MRPL10: variants seen among roughly 807,000 people sequenced by gnomAD.
The protein encoded by MRPL10 is mitochondrial ribosomal protein L10.
In MRPL10, 14 loss-of-function variants were observed where a neutral mutation model predicts 19.8. That is an observed-to-expected ratio of 0.71 (90% CI 0.47 to 1.11). The LOEUF is 1.11. MRPL10 is among the 50% of genes least tolerant of loss of function. MRPL10 has a pLI of 0.00. For missense variants in MRPL10, 318 were observed against 339.6 expected, an observed-to-expected ratio of 0.94 and a Z score of 0.50; for synonymous variants, 129 against 139.2, an observed-to-expected ratio of 0.93 and a Z score of 0.52.
At chr17:47,830,215 C>T (rs1163239965) in intron 1 of MRPL10, among the ~76,000 whole-genome samples, 2 of 152,220 alleles carry the variant, frequency 1.3e-5, no homozygotes, top group Non-Finnish European at 2.9e-5. Flanking sequence ...CTCTTTCCTC[C>T]TCTCTTCCTG....
At chr17:47,828,328 C>A in intron 2 of MRPL10, 173 bp downstream of exon 2, 1 of 480,660 alleles carries the variant, frequency 2.1e-6, no homozygotes, top group Non-Finnish European at 3.5e-6. Flanking sequence ...AGCCCAAAAG[C>A]CAATACAGAA....
Position 47,827,215 on chromosome 17 carries a change from A to G in MRPL10, c.223-11T>C, listed in dbSNP as rs1316989200. On this transcript the variant is annotated splice_polypyrimidine_tract_variant and intron_variant, in intron 2 of 4. Coordinates refer to ENST00000351111, the MANE Select transcript of MRPL10 (RefSeq NM_145255.4). ...GATGAGGCCTATCTCCTGAAGTTGG[A>G]AAGCAATGACCAAGGGTACATCAGC... 5 of 1,599,816 alleles carry G rather than the reference A, an allele frequency of 3.1e-6. No individual in the cohort carries two copies. Among genetic ancestry groups the G allele is most frequent in the Non-Finnish European group, 4.3e-6 (5 of 1,173,128 alleles).
At chr17:47,827,248 TCTC>T in intron 2 of MRPL10, 44 bp from the exon 3 acceptor site, 2 of 1,551,706 alleles carry the variant, frequency 1.3e-6, no homozygotes, top group East Asian at 2.3e-5. Flanking sequence ...AGCTGCCACT[TCTC>T]CTGGCAACGT....
At chr17:47,830,438 G>A (rs1322835544) in intron 1 of MRPL10, among the ~76,000 whole-genome samples, 3 of 152,176 alleles carry the variant, frequency 2.0e-5, no homozygotes, top group African/African-American at 2.4e-5. Flanking sequence ...GGGGTAAGAG[G>A]TCTTATTGCC....
At position 47,828,596 on chromosome 17, in the gene MRPL10, GA is replaced by G. The variant is rs770046356; in HGVS notation, c.126del (p.Gln43SerfsTer5). ...GTCACAGCCATCAGCTTCTGCCGCT[GA>G]AAGTGCATCACACGACGGTGGCGGG... The part of the protein sequence containing the change: ...AVTRHRRVMH[F>X]QRQKLMAVTE... On this transcript the variant is annotated frameshift_variant, in exon 2 of 5. Transcript: ENST00000351111. LOFTEE classifies it high-confidence loss of function. 1.3e-6 allele frequency: 2 copies of G among 1,521,538 alleles called. No individual in the cohort carries two copies. Among genetic ancestry groups the G allele is most frequent in the Non-Finnish European group, 1.8e-6 (2 of 1,142,262 alleles). The allele number at this position is 1,521,538 out of a possible 1,614,324, so 94.3% of individuals were successfully genotyped here.
At chr17:47,829,300 G>T in intron 1 of MRPL10, 1 of 86,176 alleles carries the variant, frequency 1.2e-5, no homozygotes, top group Non-Finnish European at 2.4e-5. Flanking sequence ...GAAGGAAAGA[G>T]AGAGAGAGAG....
At chr17:47,828,718 C>T (rs776123562) in intron 1 of MRPL10, 48 bp from the exon 2 acceptor site, 46 of 1,443,306 alleles carry the variant, frequency 3.2e-5, no homozygotes, top group Non-Finnish European at 4.2e-5. Flanking sequence ...CCTGGAGGCC[C>T]TAGTTTATCC....
chr17:47,831,363 G>A (rs1323760587), intron 1 of MRPL10, 97 bp downstream of exon 1: 1 of 1,541,402 alleles, frequency 6.5e-7, no homozygotes, highest in Non-Finnish European at 8.7e-7. Flanking sequence ...ATCTAGCTGG[G>A]GTCAGAGATT....
chr17:47,831,301 C>T, intron 1 of MRPL10, 159 bp downstream of exon 1: 1 of 1,527,048 alleles, frequency 6.5e-7, no homozygotes, highest in Non-Finnish European at 8.7e-7. Context: ...GACGTTGTTG[C>T]TGTGATTACC....
intron 4 of MRPL10, among the ~76,000 whole-genome samples, chr17:47,825,515 C>T (rs1402853384): frequency 2.0e-5 from 3 of 152,110 alleles, no homozygotes; most frequent in African/African-American, 7.2e-5. Context: ...GTCCCAGCTA[C>T]TTAGGAAGTT....
rs1239868949 is a variant in MRPL10 at position 47,823,722 on chromosome 17, G to A, written c.*483C>T. The A allele has an allele frequency of 1.8e-5, 3 of 166,636 alleles. No individual in the cohort carries two copies. The highest frequency in any genetic ancestry group is 3.7e-4 in the East Asian group (2 of 5,466). 10.3% of individuals were successfully genotyped at this position (166,636 alleles called of 1,614,324 possible). ...TTCTCTGCTCCTTCTCTGTGAAATG[G>A]GTACAATGTGGTCAGCAGTAAAGGA... On this transcript the variant is annotated 3_prime_UTR_variant, in exon 5 of 5. Transcript: ENST00000351111.
intron 4 of MRPL10, among the ~76,000 whole-genome samples, chr17:47,825,239 G>C (rs1343890182): frequency 2.0e-5 from 3 of 152,002 alleles, no homozygotes; most frequent in Non-Finnish European, 4.4e-5. Flanking sequence ...TGAGGCAAGA[G>C]AATCGCTTAA....
At chr17:47,829,085 G>A in intron 1 of MRPL10, 1 of 155,300 alleles carries the variant, frequency 6.4e-6, no homozygotes, top group South Asian at 1.8e-4. Flanking sequence ...CCAACACAGT[G>A]AAACCCCATC....
intron 3 of MRPL10, 77 bp from the exon 4 acceptor site, chr17:47,826,858 A>T (rs1162374163): frequency 1.3e-6 from 2 of 1,585,822 alleles, no homozygotes; most frequent in African/African-American, 1.3e-5. Flanking sequence ...GGGCCACATT[A>T]GGCTGAGGGT....
intron 1 of MRPL10, among the ~76,000 whole-genome samples, chr17:47,830,146 C>A (rs943774453): frequency 6.6e-6 from 1 of 152,158 alleles, no homozygotes; most frequent in African/African-American, 2.4e-5. Flanking sequence ...ACACCCTGTC[C>A]TATGATTTGA....
rs2033545291 is a variant in MRPL10, at chr17:47,827,063, G to T, written c.364C>A (p.Leu122Met). Residue 122 changes from leucine to methionine, a missense_variant, in exon 3 of 5, where the codon CTG becomes ATG. Physicochemically the swap from Leu to Met is conservative, Grantham distance 15. Coordinates refer to ENST00000351111, the MANE Select transcript of MRPL10 (RefSeq NM_145255.4). ...MRHQLRKHKI[L>M]MKVFPNQVLK... ...ACCTGGTTGGGGAAGACCTTCATCA[G>T]GATCTTGTGTTTCCGCAGCTGGTGT... 4 of 1,613,348 alleles carry T rather than the reference G, an allele frequency of 2.5e-6. No homozygotes were observed. In the East Asian group the frequency reaches 6.7e-5, roughly 27 times the overall value.
intron 2 of MRPL10, among the ~76,000 whole-genome samples, chr17:47,828,027 A>G (rs539657078): frequency 1.3e-5 from 2 of 150,492 alleles, no homozygotes; most frequent in African/African-American, 4.9e-5. Flanking sequence ...ACATGGTGAC[A>G]CCCTGTCTCT....
At chr17:47,825,057 G>A (rs891136209) in intron 4 of MRPL10, among the ~76,000 whole-genome samples, 2 of 148,992 alleles carry the variant, frequency 1.3e-5, no homozygotes, top group African/African-American at 2.5e-5. Context: ...GGTTGGGTAC[G>A]GTGGCTCAAG....
intron 1 of MRPL10, among the ~76,000 whole-genome samples, chr17:47,830,795 C>G (rs947999811): frequency 2.0e-5 from 3 of 152,264 alleles, no homozygotes; most frequent in Admixed American, 1.3e-4. Context: ...CGTGAGCCAC[C>G]GCGCCCAGCC....
Sources: allele counts gnomAD v4.1 joint callset (sites outside exome capture counted in the v4.1 genomes callset), GRCh38; gene constraint gnomAD v4.1.1; transcripts MANE v1.5; gene names NCBI Gene and HGNC (gene_info 2026-07-23, HGNC 2026-07-21).